Variants in SMPD1 observed in about 807,000 individuals in gnomAD.
SMPD1 encodes sphingomyelin phosphodiesterase 1, also known as sphingomyelin phosphodiesterase.
In SMPD1, 47 loss-of-function variants were observed where a neutral mutation model predicts 49.7. That is an observed-to-expected ratio of 0.95 (90% confidence interval 0.75 to 1.21). The LOEUF (loss-of-function observed/expected upper bound fraction) is 1.21, where lower values mean the gene tolerates loss of function less well. Among genes scored for constraint, SMPD1 ranks in the 50% most tolerant of loss-of-function variants. The pLI, the probability that SMPD1 is intolerant of heterozygous loss-of-function variation, is 0.00. For synonymous variants in SMPD1, 336 were observed against 339.6 expected (o/e 0.99, Z 0.12); for missense variants, 811 against 822.2 (o/e 0.99, Z 0.17).
chr11:6,392,329 C>CTT (rs756326903), intron 2 of SMPD1, 173 bp downstream of exon 2: 371 of 403,882 alleles, frequency 9.2e-4, no homozygotes, highest in South Asian at 1.6e-3. Context: ...CCGCACCAGG[C>CTT]TTTTTTTTTT....
intron 2 of SMPD1, 24 bp from the exon 3 acceptor site, chr11:6,393,192 C>T (rs758630078): frequency 6.2e-7 from 1 of 1,609,852 alleles, no homozygotes; most frequent in South Asian, 1.1e-5. Context: ...CAAGTGTTGA[C>T]CTCTCATGTT....
rs2134011674 is a variant in SMPD1, at chr11:6,391,863, G to A, written c.798G>A (p.Leu266=). The A allele has an allele frequency of 6.2e-7, 1 of 1,613,936 alleles. No individual in the cohort carries two copies. The highest frequency in any genetic ancestry group is 8.5e-7 in the Non-Finnish European group (1 of 1,179,924). The stretch of plus-strand genomic sequence containing the variant: ...CCCTGGAGAGCCTGTTGAGTGGGCT[G>A]GGCCCAGCCGGCCCTTTTGATATGG... ...LRTLESLLSG[L]GPAGPFDMVY... Residue 266 remains leucine (L), a synonymous_variant, in exon 2 of 6, where the codon CTG becomes CTA. Transcript: ENST00000342245.
chr11:6,392,753 A>C (rs1259165285), intron 2 of SMPD1, among the ~76,000 whole-genome samples: 1 of 151,842 alleles, frequency 6.6e-6, no homozygotes, highest in African/African-American at 2.4e-5. Flanking sequence ...TCGGCCTCCC[A>C]AAGTGCTGGG....
In SMPD1 at chr11:6,391,581, T is replaced by C. The variant is rs1472925913; in HGVS notation, c.516T>C (p.Ile172=). 1.9e-6 allele frequency: 3 copies of C among 1,612,114 alleles called. No homozygotes were observed. In the African/African-American group the frequency reaches 4.0e-5, roughly 22 times the overall value. Reference sequence around the variant, plus strand: ...GCTCCACCTGTGGGCACTGGGACATTTTCTCATCTTGGAACATCTCTTTGC... The same window carrying C: ...GCTCCACCTGTGGGCACTGGGACATCTTCTCATCTTGGAACATCTCTTTGC... ...LLGSTCGHWD[I]FSSWNISLPT... Residue 172 remains isoleucine, a synonymous_variant, in exon 2 of 6, where the codon ATT becomes ATC. Transcript: ENST00000342245.
rs555187617 is a variant in SMPD1 at position 6,392,109 on chromosome 11, C to T, written c.1044C>T (p.Ala348=). The T allele has an allele frequency of 1.0e-4, 169 of 1,614,150 alleles. 1 individual carries two copies. In the South Asian group the frequency reaches 1.7e-3, roughly 16 times the overall value. ...HSSRWLYEAM[A]KAWEPWLPAE... ...CCCGCTGGCTCTATGAAGCGATGGC[C>T]AAGGCTTGGGAGCCCTGGCTGCCTG... Residue 348 remains alanine (A), a synonymous_variant, in exon 2 of 6, where the codon GCC becomes GCT. Coordinates refer to ENST00000342245, the MANE Select transcript of SMPD1 (RefSeq NM_000543.5).
Position 6,391,717 on chromosome 11 carries a change from G to T in SMPD1, c.652G>T (p.Gly218Cys). ...DLHWDHDYLE[G>C]TDPDCADPLC... ...GCACTGGGATCATGACTACCTGGAG[G>T]GCACGGACCCTGACTGTGCAGACCC... The change falls in exon 2 of 6, where the codon GGC becomes TGC. Residue 218 changes from glycine (G) to cysteine (C), a missense_variant. By Grantham distance (159) the Gly-to-Cys change is radical (BLOSUM62 -3). Transcript: ENST00000342245. 1 of 1,611,716 alleles carries T rather than the reference G, an allele frequency of 6.2e-7. No homozygotes were observed.
In SMPD1 at chr11:6,390,708, TGGCGC is replaced by T. The variant is rs773261292; in HGVS notation, c.111_115del (p.Ala38GlyfsTer12). 3.9e-6 allele frequency: 2 copies of T among 517,030 alleles called. No individual in the cohort carries two copies. Among genetic ancestry groups the T allele is most frequent in the Admixed American group, 6.0e-5 (2 of 33,114 alleles). The allele number at this position is 517,030 out of a possible 1,614,324, so 32.0% of individuals were successfully genotyped here. On this transcript the variant is annotated frameshift_variant, in exon 1 of 6. Coordinates refer to ENST00000342245, the MANE Select transcript of SMPD1 (RefSeq NM_000543.5). LOFTEE classifies it high-confidence loss of function. ...GGACTCCTTTGGATGGGCCTGGTGC[TGGCGC>T]TGGCGCTGGCGCTGGCGCTGGCGCT... is the stretch of plus-strand genomic sequence containing the variant.
intron 2 of SMPD1, 30 bp downstream of exon 2, chr11:6,392,186 G>C (rs574634445): frequency 5.6e-6 from 9 of 1,613,794 alleles, no homozygotes; most frequent in South Asian, 2.2e-5. Context: ...ACCCAGGAAG[G>C]GAAAAGAAAG....
rs1451199796 is a variant in SMPD1, at chr11:6,393,368, C to T, written c.1244C>T (p.Ala415Val). ...LQWLVGELQA[A>V]EDRGDKVHII... ...TGGCTGGTGGGGGAGCTTCAGGCTG[C>T]TGAGGATCGAGGAGACAAAGTGAGG... Residue 415 changes from alanine (A) to valine (V), a missense_variant, in exon 3 of 6, where the codon GCT (alanine) becomes GTT (valine). By Grantham distance (64) the Ala-to-Val change is moderately conservative. Transcript: ENST00000342245. 3.7e-6 allele frequency: 6 copies of T among 1,613,434 alleles called. No individual in the cohort carries two copies. Among genetic ancestry groups the T allele is most frequent in the Middle Eastern group, 1.7e-4 (1 of 6,050 alleles).
In SMPD1 at chr11:6,394,457, C is replaced by G; in HGVS notation, c.1746C>G (p.Pro582=). 6.2e-7 allele frequency: 1 copy of G among 1,614,174 alleles called. No individual in the cohort carries two copies. Among genetic ancestry groups the G allele is most frequent in the Non-Finnish European group, 8.5e-7 (1 of 1,180,044 alleles). The change falls in exon 6 of 6, where the codon CCC becomes CCG. Residue 582 remains proline, a synonymous_variant. Coordinates refer to ENST00000342245, the MANE Select transcript of SMPD1 (RefSeq NM_000543.5). ...FWFLYHKGHP[P]SEPCGTPCRL... is the part of the protein sequence containing the mutation. ...TTCTCTACCATAAGGGCCACCCACC[C>G]TCGGAGCCCTGTGGCACGCCCTGCC... is the stretch of plus-strand genomic sequence containing the variant.
In SMPD1 at chr11:6,390,720, T is replaced by TGGCGCC. The variant is rs1458099873; in HGVS notation, c.127_128insCGGCGC (p.Ala42_Leu43insProAla). 1 of 1,566,118 alleles carries TGGCGCC rather than the reference T, an allele frequency of 6.4e-7. No individual in the cohort carries two copies. Among genetic ancestry groups the TGGCGCC allele is most frequent in the African/African-American group, 1.6e-5 (1 of 63,620 alleles). The stretch of plus-strand genomic sequence containing the variant: ...ATGGGCCTGGTGCTGGCGCTGGCGC[T>TGGCGCC]GGCGCTGGCGCTGGCGCTGGCTCTG... On this transcript the variant is annotated inframe_insertion, in exon 1 of 6. Transcript: ENST00000342245.
Position 6,393,358 on chromosome 11 carries a change from C to G in SMPD1, c.1234C>G (p.Leu412Val), listed in dbSNP as rs773176344. ...ACAGCTCCAGTGGCTGGTGGGGGAG[C>G]TTCAGGCTGCTGAGGATCGAGGAGA... ...AGQLQWLVGE[L>V]QAAEDRGDKV... is the part of the protein sequence containing the mutation. The change falls in exon 3 of 6, where the codon CTT (leucine) becomes GTT (valine). Residue 412 changes from leucine (L) to valine (V), a missense_variant. Coordinates refer to ENST00000342245, the MANE Select transcript of SMPD1 (RefSeq NM_000543.5). The G allele has an allele frequency of 6.2e-7, 1 of 1,613,672 alleles. No homozygotes were observed.
In SMPD1 at chr11:6,393,910, T is replaced by C; in HGVS notation, c.1355T>C (p.Leu452Pro). Residue 452 changes from leucine to proline, a missense_variant, in exon 5 of 6, where the codon CTG (leucine) becomes CCG (proline). Transcript: ENST00000342245. Reference sequence around the variant, plus strand: ...CTTCTGGCCAGGTATGAGAACACCCTGGCTGCTCAGTTCTTTGGCCACACT... The same window carrying C: ...CTTCTGGCCAGGTATGAGAACACCCCGGCTGCTCAGTTCTTTGGCCACACT... ...YRIVARYENT[L>P]AAQFFGHTHV... 3 of 1,614,204 alleles carry C rather than the reference T, an allele frequency of 1.9e-6. No individual in the cohort carries two copies. Among genetic ancestry groups the C allele is most frequent in the Non-Finnish European group, 2.5e-6 (3 of 1,180,030 alleles).
rs281860665 is a variant in SMPD1, at chr11:6,394,013, T to A, written c.1458T>A (p.Ser486Arg). The A allele has an allele frequency of 6.2e-7, 1 of 1,614,158 alleles. No homozygotes were observed. The change falls in exon 5 of 6, where the codon AGT becomes AGA. Residue 486 changes from serine (S) to arginine (R), a missense_variant. Transcript: ENST00000342245. ...RPLAVAFLAP[S>R]ATTYIGLNPG... ...TGGCTGTAGCCTTCCTGGCACCCAGTGCAACTACCTACATCGGCCTTAATC... is the reference window on the plus strand; with the variant it reads ...TGGCTGTAGCCTTCCTGGCACCCAGAGCAACTACCTACATCGGCCTTAATC...
rs766738652 is a variant in SMPD1, at chr11:6,393,953, G to A, written c.1398G>A (p.Glu466=). The change falls in exon 5 of 6, where the codon GAG becomes GAA. Residue 466 remains glutamate, a synonymous_variant. Coordinates refer to ENST00000342245, the MANE Select transcript of SMPD1 (RefSeq NM_000543.5). ...GCCACACTCATGTGGATGAATTTGA[G>A]GTCTTCTATGATGAAGAGACTCTGA... The part of the protein sequence containing the change: ...FFGHTHVDEF[E]VFYDEETLSR... 2.5e-6 allele frequency: 4 copies of A among 1,614,194 alleles called. No individual in the cohort carries two copies. Among genetic ancestry groups the A allele is most frequent in the South Asian group, 1.1e-5 (1 of 91,082 alleles).
rs370044865 is a variant in SMPD1, at chr11:6,394,104, G to A, written c.1486+63G>A. On this transcript the variant is annotated intron_variant, in intron 5 of 5. Coordinates refer to ENST00000342245, the MANE Select transcript of SMPD1 (RefSeq NM_000543.5). ...TTGGTGGGATAGGGGAAGGAGGTTG[G>A]AGCCAGAGCCTGCAAAGCATGGGCA... is the stretch of plus-strand genomic sequence containing the variant. The A allele has an allele frequency of 8.8e-4, 1,417 of 1,613,718 alleles. 20 individuals carry two copies. The South Asian group carries it at 0.012, about 13-fold the overall frequency.
At position 6,392,087 on chromosome 11, in the gene SMPD1, G is replaced by C. The variant is rs200242334; in HGVS notation, c.1022G>C (p.Arg341Pro). 8.7e-6 allele frequency: 14 copies of C among 1,613,944 alleles called. No individual in the cohort carries two copies. Among genetic ancestry groups the C allele is most frequent in the Admixed American group, 3.3e-5 (2 of 60,000 alleles). ...PPFIEGNHSSRWLYEAMAKAW... is the reference protein window; with the variant it reads ...PPFIEGNHSSPWLYEAMAKAW... Reference sequence around the variant, plus strand: ...TTCATTGAGGGCAACCACTCCTCCCGCTGGCTCTATGAAGCGATGGCCAAG... The same window carrying C: ...TTCATTGAGGGCAACCACTCCTCCCCCTGGCTCTATGAAGCGATGGCCAAG... The change falls in exon 2 of 6, where the codon CGC (arginine) becomes CCC (proline). Residue 341 changes from arginine (R) to proline (P), a missense_variant. Transcript: ENST00000342245.
chr11:6,393,624 T>C lies in SMPD1; in HGVS notation c.1271T>C (p.Ile424Thr). The change falls in exon 4 of 6, where the codon ATA (isoleucine) becomes ACA (threonine). Residue 424 changes from isoleucine (I) to threonine (T), a missense_variant. By Grantham distance (89) the Ile-to-Thr change is moderately conservative. Transcript: ENST00000342245. ...AAEDRGDKVH[I>T]IGHIPPGHCL... ...CTTAATTCTCCCTACTAGGTGCATA[T>C]AATTGGCCACATTCCCCCAGGGCAC... 6.2e-7 allele frequency: 1 copy of C among 1,613,246 alleles called. No homozygotes were observed. The highest frequency in any genetic ancestry group is 8.5e-7 in the Non-Finnish European group (1 of 1,179,226).
At position 6,391,644 on chromosome 11, in the gene SMPD1, C is replaced by T. The variant is rs1477363633; in HGVS notation, c.579C>T (p.Pro193=). ...AGCCGCCCCCCAAACCCCCTAGCCC[C>T]CCAGCCCCAGGTGCCCCTGTCAGCC... ...VPKPPPKPPS[P]PAPGAPVSRI... Residue 193 remains proline, a synonymous_variant, in exon 2 of 6, where the codon CCC becomes CCT. Transcript: ENST00000342245. The T allele has an allele frequency of 6.4e-7, 1 of 1,556,840 alleles. No homozygotes were observed. Among genetic ancestry groups the T allele is most frequent in the East Asian group, 2.4e-5 (1 of 41,776 alleles).
Sources: gnomAD v4.1 joint callset for allele counts (sites outside exome capture counted in the v4.1 genomes callset) on GRCh38, gnomAD v4.1.1 for gene constraint, MANE v1.5 for transcripts, NCBI Gene and HGNC (gene_info 2026-07-23, HGNC 2026-07-21) for gene names.